MCPH1: variants seen among roughly 807,000 people sequenced by gnomAD.
The protein encoded by MCPH1 is microcephalin 1.
In MCPH1, 104 loss-of-function variants were observed where a neutral mutation model predicts 84.5. The observed-to-expected ratio is 1.23, with a 90% CI of 1.05 to 1.45. MCPH1 has a LOEUF of 1.45. MCPH1 is among the 40% of genes most tolerant of loss of function. MCPH1 has a pLI of 0.00. For synonymous variants in MCPH1, 514 were observed against 366.8 expected, an observed-to-expected ratio of 1.40 and a Z score of -4.58; for missense variants, 1,498 against 1,005.7, an observed-to-expected ratio of 1.49 and a Z score of -6.62.
chr8:6,571,268 AT>A (rs58841766), intron 12 of MCPH1, among the ~76,000 whole-genome samples: 17,671 of 152,088 alleles, frequency 0.12, 1,244 homozygotes, highest in African/African-American at 0.2. Context: ...AATGCTAAAC[AT>A]TTTTTTCAAT....
intron 12 of MCPH1, among the ~76,000 whole-genome samples, chr8:6,537,470 G>A (rs148973327): frequency 6.6e-6 from 1 of 152,016 alleles, no homozygotes; most frequent in East Asian, 1.9e-4. Context: ...TAAAAGAGTT[G>A]CGCCCCAGAC....
At chr8:6,548,186 C>T (rs967297151) in intron 12 of MCPH1, among the ~76,000 whole-genome samples, 15 of 152,158 alleles carry the variant, frequency 9.9e-5, no homozygotes, top group Admixed American at 5.9e-4. Context: ...TGGCTTGAGG[C>T]GGCACGCTTT....
chr8:6,472,576 C>G (rs577609320), intron 9 of MCPH1, among the ~76,000 whole-genome samples: 1 of 152,056 alleles, frequency 6.6e-6, no homozygotes, highest in Non-Finnish European at 1.5e-5. Context: ...AAGCCATTCT[C>G]CTGCCCCAGC....
chr8:6,475,335 C>G (rs545142708), intron 9 of MCPH1, among the ~76,000 whole-genome samples: 1 of 152,242 alleles, frequency 6.6e-6, no homozygotes, highest in Non-Finnish European at 1.5e-5. Flanking sequence ...GCTTTGTTCT[C>G]TAAACCAGTA....
At chr8:6,544,485 C>T (rs151067132) in intron 12 of MCPH1, among the ~76,000 whole-genome samples, 6 of 152,240 alleles carry the variant, frequency 3.9e-5, no homozygotes, top group South Asian at 2.1e-4. Flanking sequence ...ATATATGTTA[C>T]GTCAAACTGT....
chr8:6,438,860 C>A, intron 5 of MCPH1, 93 bp from the exon 6 acceptor site: 1 of 1,146,958 alleles, frequency 8.7e-7, no homozygotes, highest in Non-Finnish European at 1.3e-6. Flanking sequence ...AGAAGGAAAA[C>A]GGGGTGTGGG....
intron 12 of MCPH1, chr8:6,509,045 A>G (rs1814380462): frequency 6.2e-7 from 1 of 1,613,992 alleles, no homozygotes; most frequent in South Asian, 1.1e-5. Context: ...TGTCCCTGTA[A>G]GTCCTTTAAG....
intron 12 of MCPH1, among the ~76,000 whole-genome samples, chr8:6,569,994 A>T (rs1164730091): frequency 1.3e-5 from 2 of 152,232 alleles, no homozygotes; most frequent in Non-Finnish European, 2.9e-5. Flanking sequence ...ATTAATGCAG[A>T]GCTGAATTCA....
At chr8:6,612,671 T>C (rs1039667875) in intron 12 of MCPH1, among the ~76,000 whole-genome samples, 3 of 152,234 alleles carry the variant, frequency 2.0e-5, no homozygotes, top group Non-Finnish European at 4.4e-5. Context: ...CTCCCCTGCC[T>C]GGCCTGGTGT....
chr8:6,583,970 C>G (rs1160717183), intron 12 of MCPH1, among the ~76,000 whole-genome samples: 1 of 151,042 alleles, frequency 6.6e-6, no homozygotes, highest in Non-Finnish European at 1.5e-5. Flanking sequence ...GTTCAAGATT[C>G]ATCATACAAA....
intron 11 of MCPH1, among the ~76,000 whole-genome samples, chr8:6,481,446 T>C (rs187273730): frequency 1.2e-3 from 186 of 152,364 alleles, no homozygotes; most frequent in African/African-American, 4.3e-3. Context: ...TGAACTGTTA[T>C]TGGTTCTATT....
At chr8:6,411,874 G>A (rs939291423) in intron 2 of MCPH1, among the ~76,000 whole-genome samples, 10 of 152,160 alleles carry the variant, frequency 6.6e-5, no homozygotes, top group Non-Finnish European at 1.5e-4. Context: ...GGATAAGGGG[G>A]AACTAATGTG....
At chr8:6,424,457 T>C (rs2922836) in intron 3 of MCPH1, among the ~76,000 whole-genome samples, 2,682 of 152,262 alleles carry the variant, frequency 0.018, 85 homozygotes, top group African/African-American at 0.061. Flanking sequence ...CCACGGCTCC[T>C]TTCCTCCCGG....
chr8:6,635,733 C>T (rs1217951690), intron 13 of MCPH1, among the ~76,000 whole-genome samples: 1 of 152,210 alleles, frequency 6.6e-6, no homozygotes, highest in Non-Finnish European at 1.5e-5. Context: ...CAGAATGCCT[C>T]CTCGTCCCCA....
At chr8:6,562,714 T>C in intron 12 of MCPH1, 1 of 1,613,462 alleles carries the variant, frequency 6.2e-7, no homozygotes, top group Non-Finnish European at 8.5e-7. Flanking sequence ...CACCGAGTCA[T>C]CGTATTCGAG....
At chr8:6,568,239 ACCCATC>A (rs1826366321) in intron 12 of MCPH1, among the ~76,000 whole-genome samples, 1 of 118,518 alleles carries the variant, frequency 8.4e-6, no homozygotes, top group African/African-American at 4.4e-5. Context: ...TGGCGCGTGG[ACCCATC>A]GCTAGCTGAA....
rs139094778 is a variant in MCPH1, at chr8:6,594,241, T to G, written c.2215-27213T>G. Among the ~76,000 whole-genome samples the G allele has an allele frequency of 1.2e-3, 176 of 152,354 alleles. 1 individual carries two copies. Among genetic ancestry groups the G allele is most frequent in the African/African-American group, 3.6e-3 (151 of 41,586 alleles). On this transcript the variant is annotated intron_variant, in intron 12 of 13. Coordinates refer to ENST00000344683, the MANE Select transcript of MCPH1 (RefSeq NM_024596.5). The stretch of plus-strand genomic sequence containing the variant: ...CCTTATGCTGGTCCTGGACAGCGTT[T>G]CTATTAAAGGGTTCTTTGTGTTAGG...
chr8:6,441,478 C>G (rs1476277357), intron 6 of MCPH1, among the ~76,000 whole-genome samples: 1 of 152,104 alleles, frequency 6.6e-6, no homozygotes, highest in Non-Finnish European at 1.5e-5. Context: ...CCAAACATTT[C>G]TTTTGTTTCT....
In MCPH1 at chr8:6,645,610, A is replaced by C. The variant is rs1347801643; in HGVS notation, c.*2561A>C. On this transcript the variant is annotated 3_prime_UTR_variant, in exon 14 of 14. Transcript: ENST00000344683. ...GTATAGAAATTGTAAGGAATGCAAA[A>C]AAAAAAAAAAAAAAAAGCCCTACAA... 6.9e-6 allele frequency: 1 copy of C among 145,868 alleles called. No homozygotes were observed. 9.0% of individuals were successfully genotyped at this position (145,868 alleles called of 1,614,324 possible).
Sources: gnomAD v4.1 joint callset for allele counts (sites outside exome capture counted in the v4.1 genomes callset) on GRCh38, gnomAD v4.1.1 for gene constraint, MANE v1.5 for transcripts, NCBI Gene and HGNC (gene_info 2026-07-23, HGNC 2026-07-21) for gene names.